Variants in PLCE1 observed in about 807,000 individuals in gnomAD.
The protein encoded by PLCE1 is phospholipase C epsilon 1.
Under a neutral mutation model 242.8 loss-of-function variants are expected in PLCE1, and 119 were observed. That is an observed-to-expected ratio of 0.49 (90% CI 0.42 to 0.57). The LOEUF is 0.57. PLCE1 is among the 20% of genes least tolerant of loss of function. The probability of loss-of-function intolerance (pLI) is 0.00; values close to 1 mark genes in which losing one functional copy is unlikely to be tolerated. For synonymous variants in PLCE1, 945 were observed against 1,017.4 expected (o/e 0.93, Z 1.35); for missense variants, 2,441 against 2,788.8 (o/e 0.88, Z 2.81).
chr10:94,188,445 A>G (rs2048551020), intron 4 of PLCE1, among the ~76,000 whole-genome samples: 1 of 152,180 alleles, frequency 6.6e-6, no homozygotes, highest in Non-Finnish European at 1.5e-5. Context: ...CCTTTCACAT[A>G]CATTATGACA....
chr10:94,318,509 G>A (rs1202209954), intron 29 of PLCE1, among the ~76,000 whole-genome samples: 1 of 152,124 alleles, frequency 6.6e-6, no homozygotes, highest in Non-Finnish European at 1.5e-5. Flanking sequence ...ATTCAGAGAG[G>A]TGAAATCATG....
chr10:94,089,051 C>A, intron 2 of PLCE1: 3 of 1,600,686 alleles, frequency 1.9e-6, no homozygotes, highest in Non-Finnish European at 2.6e-6. Context: ...GGATTTTTCA[C>A]TGTGATTTGA....
Position 94,282,849 on chromosome 10 carries a change from C to T in PLCE1, c.4796-941C>T, listed in dbSNP as rs74151100. ...GTCAGGAAGGTAAATGCCATTTGAA[C>T]GGGGCATTTTAACTGCATGGATGTC... On this transcript the variant is annotated intron_variant, in intron 20 of 32. Transcript: ENST00000371380. Among the ~76,000 whole-genome samples the T allele has an allele frequency of 9.0e-3, 1,365 of 152,200 alleles. 34 individuals are homozygous for T. Among genetic ancestry groups the T allele is most frequent in the African/African-American group, 0.031 (1,303 of 41,528 alleles).
intron 4 of PLCE1, among the ~76,000 whole-genome samples, chr10:94,193,767 G>A (rs1429553547): frequency 2.0e-5 from 3 of 152,096 alleles, no homozygotes; most frequent in East Asian, 3.8e-4. Context: ...CTGCCTCCAC[G>A]GGGTTTAACA....
At chr10:94,244,071 C>T (rs772715901) in intron 7 of PLCE1, among the ~76,000 whole-genome samples, 1 of 152,072 alleles carries the variant, frequency 6.6e-6, no homozygotes, top group African/African-American at 2.4e-5. Flanking sequence ...ATTTTCTCAC[C>T]GTCAGATTTG....
At position 94,316,634 on chromosome 10, in the gene PLCE1, G is replaced by C; in HGVS notation, c.6220G>C (p.Glu2074Gln). Reference sequence around the variant, plus strand: ...ATATTTTATATCTAAAGAAAAGAATGAATGTAGGAAACAACCATTCCAGAG... The same window carrying C: ...ATATTTTATATCTAAAGAAAAGAATCAATGTAGGAAACAACCATTCCAGAG... ...EKYFISKEKN[E>Q]CRKQPFQRAI... is the part of the protein sequence containing the mutation. The change falls in exon 29 of 33, where the codon GAA becomes CAA. Residue 2074 changes from glutamate to glutamine, a missense_variant. Transcript: ENST00000371380. 2.5e-6 allele frequency: 4 copies of C among 1,609,482 alleles called. No individual in the cohort carries two copies.
chr10:93,998,109 C>G (rs1279948816), intron 1 of PLCE1, among the ~76,000 whole-genome samples: 3 of 152,208 alleles, frequency 2.0e-5, no homozygotes, highest in African/African-American at 7.2e-5. Flanking sequence ...TTGAATTCCT[C>G]TTTTCTTGTG....
intron 2 of PLCE1, among the ~76,000 whole-genome samples, chr10:94,070,116 A>T (rs1388284431): frequency 6.6e-6 from 1 of 152,224 alleles, no homozygotes; most frequent in Non-Finnish European, 1.5e-5. Context: ...GGCATATACC[A>T]GCCAATGGTC....
chr10:94,316,512 CCTCA>C (rs1401720390), intron 28 of PLCE1, 31 bp from the exon 29 acceptor site: 8 of 1,393,406 alleles, frequency 5.7e-6, no homozygotes, highest in Non-Finnish European at 7.1e-6. Flanking sequence ...TAAGTTTTTG[CCTCA>C]CTCCTCAGTT....
At chr10:94,199,635 G>T (rs2048932161) in intron 4 of PLCE1, among the ~76,000 whole-genome samples, 1 of 152,306 alleles carries the variant, frequency 6.6e-6, no homozygotes, top group African/African-American at 2.4e-5. Context: ...ACGGCAAAAA[G>T]GTTTGTCTTA....
intron 22 of PLCE1, among the ~76,000 whole-genome samples, chr10:94,288,340 C>A (rs2052532557): frequency 6.6e-6 from 1 of 152,194 alleles, no homozygotes; most frequent in Non-Finnish European, 1.5e-5. Flanking sequence ...TCAGTGGTGA[C>A]AAGATCATCA....
At chr10:94,223,678 C>G (rs4564256) in intron 4 of PLCE1, among the ~76,000 whole-genome samples, 55,217 of 151,948 alleles carry the variant, frequency 0.36, 10,271 homozygotes, top group East Asian at 0.62. Context: ...AAGCCCAGAA[C>G]CTTCTGGGAG....
chr10:94,043,939 C>T (rs1277527782), intron 2 of PLCE1, among the ~76,000 whole-genome samples: 2 of 152,026 alleles, frequency 1.3e-5, no homozygotes, highest in African/African-American at 4.8e-5. Context: ...GAGACTGACC[C>T]AGGAAATCCA....
intron 23 of PLCE1, among the ~76,000 whole-genome samples, chr10:94,297,176 G>C (rs1251233016): frequency 6.6e-6 from 1 of 152,060 alleles, no homozygotes; most frequent in Non-Finnish European, 1.5e-5. Context: ...CCTAGCTTTT[G>C]ATTTCAAGTG....
At chr10:94,256,622 G>A (rs1429265468) in intron 11 of PLCE1, among the ~76,000 whole-genome samples, 1 of 151,950 alleles carries the variant, frequency 6.6e-6, no homozygotes, top group African/African-American at 2.4e-5. Context: ...TAGTATCCTG[G>A]GTAAACAGCA....
intron 24 of PLCE1, 50 bp from the exon 25 acceptor site, chr10:94,304,432 A>AAATT: frequency 6.5e-7 from 1 of 1,530,664 alleles, no homozygotes; most frequent in South Asian, 1.1e-5. Context: ...GTGATACTTA[A>AAATT]GCGACAAAGT....
chr10:94,083,288 G>GT (rs2044706267), intron 2 of PLCE1, among the ~76,000 whole-genome samples: 1 of 152,168 alleles, frequency 6.6e-6, no homozygotes, highest in Non-Finnish European at 1.5e-5. Context: ...TGCCTCAAAT[G>GT]TTTAGCAGTA....
chr10:93,996,130 T>C (rs954513642), intron 1 of PLCE1, among the ~76,000 whole-genome samples: 8 of 152,152 alleles, frequency 5.3e-5, no homozygotes, highest in Non-Finnish European at 8.8e-5. Context: ...TGTGTGTGTG[T>C]GTGCGCGCGC....
chr10:94,116,396 T>C (rs1221198021), intron 2 of PLCE1, among the ~76,000 whole-genome samples: 1 of 152,184 alleles, frequency 6.6e-6, no homozygotes, highest in African/African-American at 2.4e-5. Flanking sequence ...AAGTCTGCCT[T>C]AAGAATTTTT....
Sources: allele counts gnomAD v4.1 joint callset (sites outside exome capture counted in the v4.1 genomes callset), GRCh38; gene constraint gnomAD v4.1.1; transcripts MANE v1.5; gene names NCBI Gene and HGNC (gene_info 2026-07-23, HGNC 2026-07-21).